Variants in ZNF236 observed in about 807,000 individuals in gnomAD.
ZNF236 encodes regulated by glucose.
ZNF236 carries 50 observed loss-of-function variants against 191.2 expected under a neutral mutation model. The ratio of observed to expected loss-of-function variants is 0.26; its 90% CI spans 0.21 to 0.33. ZNF236 has a LOEUF of 0.33. Among genes scored for constraint, ZNF236 ranks in the 10% least tolerant of loss-of-function variants. The probability of loss-of-function intolerance (pLI) is 1.00; values close to 1 mark genes in which losing one functional copy is unlikely to be tolerated. For synonymous variants in ZNF236, 907 were observed against 928.8 expected (o/e 0.98, Z 0.43); for missense variants, 1,754 against 2,374.5 (o/e 0.74, Z 5.43).
At chr18:76,893,030 T>C (rs934310957) in intron 9 of ZNF236, among the ~76,000 whole-genome samples, 1 of 152,208 alleles carries the variant, frequency 6.6e-6, no homozygotes, top group Admixed American at 6.5e-5. Context: ...CAGGCCAGAT[T>C]TGGAGACAGC....
At chr18:76,912,032 T>C (rs78992870) in intron 16 of ZNF236, among the ~76,000 whole-genome samples, 2,405 of 152,304 alleles carry the variant, frequency 0.016, 30 homozygotes, top group Middle Eastern at 0.02. Context: ...GGTAGGGTAA[T>C]AGAAAATAAA....
intron 3 of ZNF236, among the ~76,000 whole-genome samples, chr18:76,853,086 T>G (rs1046520686): frequency 6.6e-6 from 1 of 150,912 alleles, no homozygotes; most frequent in African/African-American, 2.4e-5. Context: ...TGTTTTTTGT[T>G]TTTTTTTTTG....
chr18:76,905,554 A>C, intron 13 of ZNF236, 139 bp downstream of exon 13: 1 of 67,408 alleles, frequency 1.5e-5, no homozygotes, highest in Non-Finnish European at 2.1e-5. Flanking sequence ...AGAAAAAAAA[A>C]AAAAAAAAAA....
At chr18:76,908,635 T>A in intron 14 of ZNF236, 62 bp downstream of exon 14, 1 of 1,546,760 alleles carries the variant, frequency 6.5e-7, no homozygotes, top group East Asian at 2.3e-5. Context: ...CCTTTCCCAC[T>A]CATTGCAGTC....
At chr18:76,942,605 G>C (rs1028876786) in intron 26 of ZNF236, among the ~76,000 whole-genome samples, 1 of 151,374 alleles carries the variant, frequency 6.6e-6, no homozygotes, top group South Asian at 2.1e-4. Flanking sequence ...TCCGCTTCCC[G>C]GGTTCACAGC....
intron 3 of ZNF236, among the ~76,000 whole-genome samples, chr18:76,854,380 T>A (rs1389665139): frequency 6.6e-6 from 1 of 152,200 alleles, no homozygotes; most frequent in Non-Finnish European, 1.5e-5. Flanking sequence ...CCTTTTTCCA[T>A]AATATATTGT....
intron 18 of ZNF236, among the ~76,000 whole-genome samples, chr18:76,914,493 C>T (rs952725841): frequency 6.6e-6 from 1 of 152,114 alleles, no homozygotes; most frequent in Non-Finnish European, 1.5e-5. Flanking sequence ...TTGTGGCTGT[C>T]GGATTTGACA....
rs1255428589 is a variant in ZNF236, at chr18:76,915,361, G to A, written c.3062-286G>A. ...GGGGACTTGATTTGTTTTGAAGACTGTGACTTCACAGAGCCTGCTGATTTC... is the reference window on the plus strand; with the variant it reads ...GGGGACTTGATTTGTTTTGAAGACTATGACTTCACAGAGCCTGCTGATTTC... On this transcript the variant is annotated intron_variant, in intron 18 of 30. Coordinates refer to ENST00000320610, the MANE Select transcript of ZNF236 (RefSeq NM_001306089.2). Among the ~76,000 whole-genome samples the A allele has an allele frequency of 3.3e-5, 5 of 151,846 alleles. No homozygotes were observed. The East Asian group carries it at 9.6e-4, about 29-fold the overall frequency.
chr18:76,823,201 C>G (rs1463862017), intron 1 of ZNF236, among the ~76,000 whole-genome samples: 1 of 152,050 alleles, frequency 6.6e-6, no homozygotes, highest in African/African-American at 2.4e-5. Context: ...AGCGCGGGGT[C>G]GTGCACACAG....
intron 3 of ZNF236, among the ~76,000 whole-genome samples, chr18:76,856,924 G>A (rs1445183591): frequency 6.6e-6 from 1 of 152,108 alleles, no homozygotes; most frequent in East Asian, 1.9e-4. Flanking sequence ...CACACGTCTG[G>A]AACATCCCAC....
intron 13 of ZNF236, 54 bp downstream of exon 13, chr18:76,905,469 G>T: frequency 6.4e-7 from 1 of 1,562,188 alleles, no homozygotes. Flanking sequence ...TCCAGTAGAT[G>T]GTGGGGAGTG....
At chr18:76,872,213 G>T (rs1976600835) in intron 5 of ZNF236, among the ~76,000 whole-genome samples, 1 of 152,212 alleles carries the variant, frequency 6.6e-6, no homozygotes, top group Non-Finnish European at 1.5e-5. Context: ...GGATGTGGTG[G>T]CTTACATCCA....
At chr18:76,920,163 C>T in intron 20 of ZNF236, 105 bp downstream of exon 20, 1 of 1,311,434 alleles carries the variant, frequency 7.6e-7, no homozygotes, top group East Asian at 2.5e-5. Flanking sequence ...GTTTCTGAAC[C>T]TGGTGTCACC....
intron 3 of ZNF236, among the ~76,000 whole-genome samples, chr18:76,855,965 T>C (rs1047980012): frequency 2.0e-5 from 3 of 152,208 alleles, no homozygotes; most frequent in African/African-American, 4.8e-5. Context: ...AATTTTGATA[T>C]TGTCAAATTG....
chr18:76,876,997 C>A (rs1426932107), intron 6 of ZNF236, among the ~76,000 whole-genome samples: 1 of 152,140 alleles, frequency 6.6e-6, no homozygotes, highest in Non-Finnish European at 1.5e-5. Context: ...TTGTAAGAAT[C>A]TAAATTTGGT....
chr18:76,859,175 TGGA>T (rs1465085508), intron 3 of ZNF236, among the ~76,000 whole-genome samples: 1 of 34,550 alleles, frequency 2.9e-5, no homozygotes, highest in African/African-American at 1.2e-4. Flanking sequence ...CGGGTGCAGG[TGGA>T]GGAGGAAGGG....
intron 30 of ZNF236, among the ~76,000 whole-genome samples, chr18:76,961,341 C>G (rs539413987): frequency 6.7e-6 from 1 of 150,080 alleles, no homozygotes; most frequent in East Asian, 2.0e-4. Flanking sequence ...TTAATTCATT[C>G]CTTTTTATGG....
chr18:76,877,228 G>C (rs1976741270), intron 6 of ZNF236, among the ~76,000 whole-genome samples: 1 of 152,224 alleles, frequency 6.6e-6, no homozygotes, highest in South Asian at 2.1e-4. Context: ...TAGTTGTTAG[G>C]CCAGGTGTGG....
At chr18:76,843,205 G>A (rs1052000691) in intron 1 of ZNF236, among the ~76,000 whole-genome samples, 3 of 152,102 alleles carry the variant, frequency 2.0e-5, no homozygotes, top group Admixed American at 6.6e-5. Flanking sequence ...AGCATGAGCC[G>A]GTGAGGCTGA....
Sources: gnomAD v4.1 joint callset for allele counts (sites outside exome capture counted in the v4.1 genomes callset) on GRCh38, gnomAD v4.1.1 for gene constraint, MANE v1.5 for transcripts, NCBI Gene and HGNC (gene_info 2026-07-23, HGNC 2026-07-21) for gene names.